PDE4B: variants seen among roughly 807,000 people sequenced by gnomAD.
PDE4B encodes the protein phosphodiesterase 4B, also known as 3',5'-cyclic-AMP phosphodiesterase 4B.
PDE4B carries 20 observed loss-of-function variants against 82.2 expected under a neutral mutation model. The observed-to-expected ratio is 0.24, with a 90% CI of 0.17 to 0.35. The LOEUF (loss-of-function observed/expected upper bound fraction) is 0.35, where lower values mean the gene tolerates loss of function less well. Ranked by LOEUF, PDE4B falls within the 10% of genes least tolerant of loss-of-function variation. PDE4B has a pLI of 1.00. For synonymous variants in PDE4B, 320 were observed against 318.9 expected, an observed-to-expected ratio of 1.00 and a Z score of -0.04; for missense variants, 655 against 907.2, an observed-to-expected ratio of 0.72 and a Z score of 3.57.
At chr1:66,012,552 T>C (rs1332666714) in intron 3 of PDE4B, among the ~76,000 whole-genome samples, 1 of 152,134 alleles carries the variant, frequency 6.6e-6, no homozygotes, top group Non-Finnish European at 1.5e-5. Flanking sequence ...CCCCACTTCC[T>C]TCTGTGCCGT....
chr1:65,865,431 G>A (rs1348516265), intron 1 of PDE4B, among the ~76,000 whole-genome samples: 1 of 152,058 alleles, frequency 6.6e-6, no homozygotes, highest in Non-Finnish European at 1.5e-5. Context: ...GGGGGTGGCG[G>A]GGAGGGGAGG....
chr1:65,831,604 T>C (rs1398034170), intron 1 of PDE4B, among the ~76,000 whole-genome samples: 1 of 152,140 alleles, frequency 6.6e-6, no homozygotes, highest in Non-Finnish European at 1.5e-5. Context: ...TAGGATAAAA[T>C]AGTCCCAGTT....
intron 8 of PDE4B, among the ~76,000 whole-genome samples, 192 bp downstream of exon 8, chr1:66,332,812 A>C (rs557498750): frequency 3.1e-4 from 47 of 152,324 alleles, no homozygotes; most frequent in African/African-American, 1.1e-3. Context: ...AAAGTTTAAA[A>C]TCCTCAGTAC....
chr1:66,112,968 A>T (rs1416887305), intron 3 of PDE4B, among the ~76,000 whole-genome samples: 1 of 152,340 alleles, frequency 6.6e-6, no homozygotes, highest in African/African-American at 2.4e-5. Flanking sequence ...TGCACTTTGT[A>T]GTGACTGTGA....
At chr1:65,898,891 T>C (rs1282012231) in intron 1 of PDE4B, among the ~76,000 whole-genome samples, 1 of 152,126 alleles carries the variant, frequency 6.6e-6, no homozygotes, top group African/African-American at 2.4e-5. Context: ...AAAACCCTTC[T>C]AGACATTGGC....
intron 3 of PDE4B, among the ~76,000 whole-genome samples, chr1:66,049,864 T>G (rs1194199057): frequency 6.6e-6 from 1 of 152,038 alleles, no homozygotes; most frequent in Non-Finnish European, 1.5e-5. Context: ...AAATACGAAT[T>G]GGATCCCGGG....
intron 3 of PDE4B, among the ~76,000 whole-genome samples, chr1:65,958,395 T>G (rs1649365164): frequency 6.6e-6 from 1 of 152,118 alleles, no homozygotes; most frequent in South Asian, 2.1e-4. Context: ...TTAATTTTTT[T>G]GCATCTAGTT....
intron 3 of PDE4B, among the ~76,000 whole-genome samples, chr1:66,100,780 T>A (rs1417577351): frequency 6.6e-6 from 1 of 152,144 alleles, no homozygotes; most frequent in Non-Finnish European, 1.5e-5. Context: ...GCTTTTGAGT[T>A]TTTATCTTTG....
chr1:65,973,639 A>ATT (rs1282968789), intron 3 of PDE4B, among the ~76,000 whole-genome samples: 6 of 152,194 alleles, frequency 3.9e-5, no homozygotes, highest in African/African-American at 1.4e-4. Context: ...GCAGGAAGGT[A>ATT]TTGTGGGAAA....
At chr1:66,073,970 C>T (rs1398827458) in intron 3 of PDE4B, among the ~76,000 whole-genome samples, 2 of 152,104 alleles carry the variant, frequency 1.3e-5, no homozygotes, top group African/African-American at 4.8e-5. Flanking sequence ...ACAGATAGGG[C>T]TTTAATGTCG....
At chr1:66,147,539 A>C (rs1225436948) in intron 3 of PDE4B, among the ~76,000 whole-genome samples, 2 of 152,226 alleles carry the variant, frequency 1.3e-5, no homozygotes, top group African/African-American at 4.8e-5. Context: ...GAGAGGAAAA[A>C]CAGTCCATGC....
At chr1:66,198,369 A>G (rs138622431) in intron 3 of PDE4B, among the ~76,000 whole-genome samples, 3 of 152,296 alleles carry the variant, frequency 2.0e-5, no homozygotes, top group African/African-American at 7.2e-5. Context: ...GTGCATAACC[A>G]TCATGGAAAA....
chr1:65,848,313 G>T (rs183106519), intron 1 of PDE4B, among the ~76,000 whole-genome samples: 230 of 151,944 alleles, frequency 1.5e-3, no homozygotes, highest in Non-Finnish European at 2.7e-3. Context: ...TAATTTTTGT[G>T]TGTGTGTGTT....
At chr1:66,133,913 C>T (rs2101120262) in intron 3 of PDE4B, among the ~76,000 whole-genome samples, 2 of 152,264 alleles carry the variant, frequency 1.3e-5, no homozygotes, top group African/African-American at 4.8e-5. Flanking sequence ...TTCTGACTTT[C>T]CCTATTTCTC....
chr1:66,324,797 T>C (rs1435920883), intron 7 of PDE4B, among the ~76,000 whole-genome samples: 1 of 152,212 alleles, frequency 6.6e-6, no homozygotes, highest in African/African-American at 2.4e-5. Flanking sequence ...CTTGGAAGAA[T>C]TGCATTGCAG....
intron 1 of PDE4B, among the ~76,000 whole-genome samples, chr1:65,858,027 G>C (rs151253270): frequency 1.3e-5 from 2 of 152,236 alleles, no homozygotes; most frequent in African/African-American, 4.8e-5. Flanking sequence ...GCTTTGCACA[G>C]TTGTTATTTT....
chr1:65,897,501 C>A (rs148620719), intron 1 of PDE4B, among the ~76,000 whole-genome samples: 1 of 152,008 alleles, frequency 6.6e-6, no homozygotes, highest in African/African-American at 2.4e-5. Flanking sequence ...GCCCTTGACC[C>A]CTTTCTTCTT....
At chr1:65,971,962 T>C (rs1258655482) in intron 3 of PDE4B, among the ~76,000 whole-genome samples, 1 of 152,222 alleles carries the variant, frequency 6.6e-6, no homozygotes, top group Non-Finnish European at 1.5e-5. Context: ...TTGTATCTTA[T>C]GAATATAAAA....
Position 65,827,823 on chromosome 1 carries a change from G to C in PDE4B, c.-71+34575G>C, listed in dbSNP as rs374340223. ...TGGAAGAACATCAAGCAAGATAAAT[G>C]CCAAAACCTCACACTTCAACATATA... On this transcript the variant is annotated intron_variant, in intron 1 of 16. Coordinates refer to ENST00000341517, the MANE Select transcript of PDE4B (RefSeq NM_002600.4). Among the ~76,000 whole-genome samples the C allele has an allele frequency of 9.2e-5, 14 of 152,096 alleles. No homozygotes were observed. In the East Asian group the frequency reaches 9.6e-4, roughly 10 times the overall value.
Sources: allele counts gnomAD v4.1 joint callset (sites outside exome capture counted in the v4.1 genomes callset), GRCh38; gene constraint gnomAD v4.1.1; transcripts MANE v1.5; gene names NCBI Gene and HGNC (gene_info 2026-07-23, HGNC 2026-07-21).